The following MTCH2 variants were observed in gnomAD, a reference collection of about 807,000 sequenced individuals.
The protein encoded by MTCH2 is mitochondrial carrier homolog 2.
A neutral mutation model predicts 50.6 loss-of-function variants in MTCH2; 25 were observed. That is an observed-to-expected ratio of 0.49 (90% CI 0.36 to 0.69). The LOEUF is 0.69. MTCH2 is among the 30% of genes least tolerant of loss of function. The pLI, the probability that MTCH2 is intolerant of heterozygous loss-of-function variation, is 0.00. For synonymous variants in MTCH2, 106 were observed against 132.0 expected (o/e 0.80, Z 1.35); for missense variants, 273 against 384.4 (o/e 0.71, Z 2.42).
At chr11:47,622,937 T>C (rs183294785) in intron 11 of MTCH2, among the ~76,000 whole-genome samples, 161 bp from the exon 12 acceptor site, 5 of 152,316 alleles carry the variant, frequency 3.3e-5, no homozygotes, top group African/African-American at 1.2e-4. Context: ...CGATCAAGCA[T>C]CCAAAAGAGA....
Position 47,631,678 on chromosome 11 carries a change from T to C in MTCH2, c.403A>G (p.Thr135Ala), listed in dbSNP as rs1167953880. Residue 135 changes from threonine to alanine, a missense_variant, in exon 6 of 13, where the codon ACC becomes GCC. This residue lies in a region of MTCH2 where 203 missense variants were observed against 244.3 expected (regional missense o/e 0.83). Transcript: ENST00000302503. ...TREMIARSAA[T>A]LITHPFHVIT... is the part of the protein sequence containing the mutation. Reference sequence around the variant, plus strand: ...CCATGGAAGGGATGTGTGATGAGGGTAGCAGCAGAACGAGCGATCATCTCT... The same window carrying C: ...CCATGGAAGGGATGTGTGATGAGGGCAGCAGCAGAACGAGCGATCATCTCT... 4 of 1,613,906 alleles carry C rather than the reference T, an allele frequency of 2.5e-6. No individual in the cohort carries two copies. The highest frequency in any genetic ancestry group is 3.4e-6 in the Non-Finnish European group (4 of 1,179,976).
the MTCH2 span, among the ~76,000 whole-genome samples, chr11:47,611,406 T>A: frequency 1.3e-5 from 2 of 152,238 alleles, no homozygotes; most frequent in East Asian, 3.8e-4. Flanking sequence ...GGGCCCCGGC[T>A]AGATGGCCAG....
At position 47,630,067 on chromosome 11, in the gene MTCH2, CA is replaced by C. The variant is rs1375431916; in HGVS notation, c.539+487del. On this transcript the variant is annotated intron_variant, in intron 8 of 12. Coordinates refer to ENST00000302503, the MANE Select transcript of MTCH2 (RefSeq NM_014342.4). ...TTTTTGAGACGGAGTCTCACTCTGT[CA>C]CCCGGGCTGGAGTACAGTGGTGCAA... Among the ~76,000 whole-genome samples the C allele has an allele frequency of 5.9e-5, 9 of 152,258 alleles. No homozygotes were observed. In the East Asian group the frequency reaches 1.3e-3, roughly 23 times the overall value.
At chr11:47,630,533 A>C in intron 8 of MTCH2, 22 bp downstream of exon 8, 1 of 1,583,032 alleles carries the variant, frequency 6.3e-7, no homozygotes, top group Admixed American at 1.7e-5. Context: ...CAAAAATTAC[A>C]CACTAATCAA....
intron 11 of MTCH2, among the ~76,000 whole-genome samples, chr11:47,624,231 CAAAAA>C (rs530030153): frequency 3.2e-5 from 2 of 62,092 alleles, no homozygotes; most frequent in Admixed American, 1.9e-4. Context: ...GACTCCATCT[CAAAAA>C]AAAAAAAAAA....
the MTCH2 span, among the ~76,000 whole-genome samples, chr11:47,608,060 C>T: frequency 3.2e-4 from 49 of 152,306 alleles, 1 homozygote; most frequent in East Asian, 9.4e-3. Flanking sequence ...AGAATCTGGG[C>T]TTTGCTATTT....
At chr11:47,623,955 G>C (rs1294101084) in intron 11 of MTCH2, among the ~76,000 whole-genome samples, 2 of 152,174 alleles carry the variant, frequency 1.3e-5, no homozygotes, top group Non-Finnish European at 1.5e-5. Flanking sequence ...TGGAGGCTGA[G>C]GCAGGAGAAG....
At chr11:47,633,524 ATATTTTTTTTT>A (rs1401261387) in intron 5 of MTCH2, among the ~76,000 whole-genome samples, 113 of 55,302 alleles carry the variant, frequency 2.0e-3, no homozygotes, top group South Asian at 5.1e-3. Context: ...ATATATATAT[ATATTTTTTTTT>A]TTTTTTTTTT....
At chr11:47,611,737 A>G in the MTCH2 span, among the ~76,000 whole-genome samples, 2 of 152,054 alleles carry the variant, frequency 1.3e-5, no homozygotes, top group Non-Finnish European at 1.5e-5. Flanking sequence ...TCAAGTACCA[A>G]CCTCTAACCG....
rs1047961570 is a variant in MTCH2, at chr11:47,635,024, C to T, written c.307-290G>A. 4.6e-5 allele frequency among the ~76,000 whole-genome samples: 7 copies of T among 152,040 alleles called. No individual in the cohort carries two copies. In the South Asian group the frequency reaches 6.2e-4, roughly 14 times the overall value. The stretch of plus-strand genomic sequence containing the variant: ...CTGACCTCGTGATCTCCACCTGCCT[C>T]GGCCTCCCAAAGTGCTGGGATTACA... On this transcript the variant is annotated intron_variant, in intron 4 of 12. Coordinates refer to ENST00000302503, the MANE Select transcript of MTCH2 (RefSeq NM_014342.4).
At chr11:47,606,889 C>T in the MTCH2 span, among the ~76,000 whole-genome samples, 9 of 152,158 alleles carry the variant, frequency 5.9e-5, no homozygotes, top group Non-Finnish European at 1.3e-4. Context: ...ACTAGCTGGG[C>T]GAGACTGTAG....
downstream of MTCH2, among the ~76,000 whole-genome samples, chr11:47,615,349 A>C (rs1157111068): frequency 6.6e-6 from 1 of 152,192 alleles, no homozygotes; most frequent in Non-Finnish European, 1.5e-5. Flanking sequence ...TGTATAAAAC[A>C]TGAACTTGGT....
chr11:47,618,490 G>T lies in MTCH2; in HGVS notation c.*343C>A. Reference sequence around the variant, plus strand: ...ACAAAATTATTTCTCATTTTTCTTGGAATTCTACTCTTCATTTTACAAAGC... The same window carrying T: ...ACAAAATTATTTCTCATTTTTCTTGTAATTCTACTCTTCATTTTACAAAGC... On this transcript the variant is annotated 3_prime_UTR_variant, in exon 13 of 13. Coordinates refer to ENST00000302503, the MANE Select transcript of MTCH2 (RefSeq NM_014342.4). 4 of 251,426 alleles carry T rather than the reference G, an allele frequency of 1.6e-5. No individual in the cohort carries two copies. The highest frequency in any genetic ancestry group is 3.0e-5 in the Non-Finnish European group (4 of 131,206). The allele number at this position is 251,426 out of a possible 1,614,324, so 15.6% of individuals were successfully genotyped here.
chr11:47,622,618 G>A, intron 12 of MTCH2, 83 bp downstream of exon 12: 1 of 1,110,164 alleles, frequency 9.0e-7, no homozygotes, highest in African/African-American at 1.6e-5. Flanking sequence ...GAGTTAACTT[G>A]GGATTCCAGA....
At chr11:47,642,230 T>C in intron 1 of MTCH2, 149 bp downstream of exon 1, 1 of 656,226 alleles carries the variant, frequency 1.5e-6, no homozygotes, top group Non-Finnish European at 2.5e-6. Flanking sequence ...CTGAGGAAGC[T>C]GTCCCTGCGG....
chr11:47,626,331 C>T (rs2097298144), intron 10 of MTCH2, among the ~76,000 whole-genome samples: 3 of 135,528 alleles, frequency 2.2e-5, no homozygotes, highest in Admixed American at 7.5e-5. Flanking sequence ...CCTGCCCCAG[C>T]TTTTTTTTTT....
chr11:47,630,701 G>T, intron 7 of MTCH2, 87 bp from the exon 8 acceptor site: 1 of 1,263,616 alleles, frequency 7.9e-7, no homozygotes, highest in Non-Finnish European at 1.1e-6. Flanking sequence ...ATTGGACAAG[G>T]TCAAATCCAC....
At chr11:47,629,095 C>T in intron 8 of MTCH2, 49 bp from the exon 9 acceptor site, 2 of 1,417,704 alleles carry the variant, frequency 1.4e-6, no homozygotes, top group South Asian at 2.4e-5. Flanking sequence ...TGATCAGTAA[C>T]ATGACAGGCT....
chr11:47,618,586 T>C lies in MTCH2; in HGVS notation c.*247A>G, dbSNP rs2097290157. On this transcript the variant is annotated 3_prime_UTR_variant, in exon 13 of 13. Transcript: ENST00000302503. ...CAGGAAAATACAACTTTTTTTCCCT[T>C]CTGGTTAAGTAAAATAAGAATTTGG... 2.2e-6 allele frequency: 1 copy of C among 448,766 alleles called. No individual in the cohort carries two copies. The highest frequency in any genetic ancestry group is 2.0e-5 in the African/African-American group (1 of 49,050). The allele number at this position is 448,766 out of a possible 1,614,324, so 27.8% of individuals were successfully genotyped here.
Sources: allele counts gnomAD v4.1 joint callset (sites outside exome capture counted in the v4.1 genomes callset), GRCh38; gene constraint gnomAD v4.1.1; regional missense constraint gnomAD v4.1.1; transcripts MANE v1.5; gene names NCBI Gene and HGNC (gene_info 2026-07-23, HGNC 2026-07-21).